ABCB4: variants seen among roughly 807,000 people sequenced by gnomAD.
ABCB4 encodes the protein ATP binding cassette subfamily B member 4.
Under a neutral mutation model 145.7 loss-of-function variants are expected in ABCB4, and 76 were observed. The observed-to-expected ratio is 0.52, with a 90% confidence interval of 0.43 to 0.63. The LOEUF (loss-of-function observed/expected upper bound fraction) is 0.63. ABCB4 is among the 30% of genes least tolerant of loss of function. ABCB4 has a pLI of 0.00. For missense variants in ABCB4, 1,234 were observed against 1,553.1 expected, an observed-to-expected ratio of 0.79 and a Z score of 3.45; for synonymous variants, 517 against 566.8, an observed-to-expected ratio of 0.91 and a Z score of 1.25.
chr7:87,417,751 C>A (rs1388049016), intron 20 of ABCB4, among the ~76,000 whole-genome samples: 3 of 152,204 alleles, frequency 2.0e-5, no homozygotes, highest in Non-Finnish European at 4.4e-5. Context: ...ATTCTAGAAC[C>A]AAGTAATCAA....
At chr7:87,417,201 AG>A in intron 21 of ABCB4, 110 bp downstream of exon 21, 1 of 958,724 alleles carries the variant, frequency 1.0e-6, no homozygotes, top group Non-Finnish European at 1.6e-6. Flanking sequence ...TATTAGTTGT[AG>A]TGGGCACAAA....
intron 3 of ABCB4, among the ~76,000 whole-genome samples, chr7:87,464,138 C>G (rs1327098801): frequency 6.6e-6 from 1 of 152,166 alleles, no homozygotes; most frequent in Non-Finnish European, 1.5e-5. Flanking sequence ...CACAGTGGAG[C>G]CTTTGAGGGC....
At position 87,444,905 on chromosome 7, in the gene ABCB4, T is replaced by C. The variant is rs1283561726; in HGVS notation, c.1076A>G (p.Asn359Ser). ...QAAPCIDAFA[N>S]ARGAAYVIFD... ...GATCACATATGCTGCTCCTCTTGCA[T>C]TGGCAAAAGCATCAATACATGGGGC... Residue 359 changes from asparagine to serine, a missense_variant, in exon 10 of 28, where the codon AAT becomes AGT. Asn to Ser is a conservative substitution (Grantham distance 46). Transcript: ENST00000649586. 4 of 1,609,494 alleles carry C rather than the reference T, an allele frequency of 2.5e-6. No individual in the cohort carries two copies. Among genetic ancestry groups the C allele is most frequent in the African/African-American group, 1.3e-5 (1 of 75,010 alleles).
the ABCB4 span, chr7:87,392,444 A>T: frequency 1.4e-6 from 1 of 732,704 alleles, no homozygotes; most frequent in South Asian, 1.7e-5. Context: ...TGTGTTATAG[A>T]TCTTCCTAGA....
intron 3 of ABCB4, among the ~76,000 whole-genome samples, chr7:87,463,494 A>G (rs1326446101): frequency 6.6e-6 from 1 of 152,212 alleles, no homozygotes; most frequent in Non-Finnish European, 1.5e-5. Flanking sequence ...CCTTTTTTAA[A>G]AATTTAGTTT....
At chr7:87,433,807 G>T (rs971799161) in intron 14 of ABCB4, among the ~76,000 whole-genome samples, 2 of 151,948 alleles carry the variant, frequency 1.3e-5, no homozygotes, top group Non-Finnish European at 2.9e-5. Context: ...GATGTTCAGG[G>T]ATGAAAGGTG....
intron 4 of ABCB4, among the ~76,000 whole-genome samples, chr7:87,459,062 A>G (rs1308883441): frequency 1.3e-5 from 2 of 152,204 alleles, no homozygotes; most frequent in African/African-American, 4.8e-5. Context: ...AAACAAAAAC[A>G]GAACTAATAA....
rs374432576 is a variant in ABCB4, at chr7:87,426,778, T to C, written c.2036A>G (p.Lys679Arg). ...KNLKNSQMCQKSLDVETDGLE... is the reference protein window; with the variant it reads ...KNLKNSQMCQRSLDVETDGLE... ...TCCATCGGTTTCCACATCAAGGCTC[T>C]TCTGACACATTTGTGAATTTTTAAG... The change falls in exon 16 of 28, where the codon AAG becomes AGG. Residue 679 changes from lysine to arginine, a missense_variant. Lys to Arg is a conservative substitution (Grantham distance 26). Coordinates refer to ENST00000649586, the MANE Select transcript of ABCB4 (RefSeq NM_000443.4). 8 of 1,613,936 alleles carry C rather than the reference T, an allele frequency of 5.0e-6. No homozygotes were observed. The highest frequency in any genetic ancestry group is 1.3e-5 in the African/African-American group (1 of 74,926).
At chr7:87,409,414 C>A in intron 23 of ABCB4, 22 bp from the exon 24 acceptor site, 1 of 1,612,660 alleles carries the variant, frequency 6.2e-7, no homozygotes, top group East Asian at 2.2e-5. Flanking sequence ...TAGAGGAATT[C>A]AAAAATTAGC....
At chr7:87,392,690 A>C in the ABCB4 span, 1 of 1,611,120 alleles carries the variant, frequency 6.2e-7, no homozygotes, top group Non-Finnish European at 8.5e-7. Flanking sequence ...CTCATGGTGA[A>C]AAATTTTTTT....
Position 87,454,448 on chromosome 7 carries a change from C to A in ABCB4, c.344+87G>T, listed in dbSNP as rs552665844. 6 of 1,078,646 alleles carry A rather than the reference C, an allele frequency of 5.6e-6. No individual in the cohort carries two copies. In the African/African-American group the frequency reaches 9.6e-5, roughly 17 times the overall value. The allele number at this position is 1,078,646 out of a possible 1,614,324, so 66.8% of individuals were successfully genotyped here. ...AATAGGTGAATCTGGGTAAAGAGTA[C>A]ACGTTATTTGTATATTCTTATAACT... is the stretch of plus-strand genomic sequence containing the variant. On this transcript the variant is annotated intron_variant, in intron 5 of 27. Transcript: ENST00000649586.
intron 12 of ABCB4, among the ~76,000 whole-genome samples, chr7:87,441,852 A>G (rs1399132427): frequency 2.0e-5 from 3 of 152,124 alleles, no homozygotes; most frequent in Admixed American, 1.3e-4. Flanking sequence ...TCCCACCTCA[A>G]TCTCCCAAAG....
chr7:87,431,414 A>T lies in ABCB4; in HGVS notation c.1883T>A (p.Val628Asp). ...CTGAAAAGCAAGTACCTGCATGTTG[A>T]CAAGTTTGAAGTACACCCCTTCCTT... Reference protein sequence around the residue: ...MKKEGVYFKLVNMQTSGSQIQ... With the variant: ...MKKEGVYFKLDNMQTSGSQIQ... Residue 628 changes from valine to aspartate, a missense_variant, in exon 15 of 28, where the codon GTC becomes GAC. By Grantham distance (152) the Val-to-Asp change is radical. Around this residue, in one of 7 missense-constraint regions of ABCB4, gnomAD observed 321 missense variants for 332.6 expected, o/e 0.97. Coordinates refer to ENST00000649586, the MANE Select transcript of ABCB4 (RefSeq NM_000443.4). 6.2e-7 allele frequency: 1 copy of T among 1,614,110 alleles called. No homozygotes were observed. The highest frequency in any genetic ancestry group is 8.5e-7 in the Non-Finnish European group (1 of 1,179,970).
At chr7:87,474,469 G>A (rs1223820596) in intron 2 of ABCB4, among the ~76,000 whole-genome samples, 1 of 152,180 alleles carries the variant, frequency 6.6e-6, no homozygotes, top group Admixed American at 6.5e-5. Flanking sequence ...TTCAGTTTAA[G>A]CATCAGGTAG....
chr7:87,390,080 T>C, the ABCB4 span, among the ~76,000 whole-genome samples: 2 of 152,218 alleles, frequency 1.3e-5, no homozygotes, highest in Non-Finnish European at 2.9e-5. Flanking sequence ...TTCTGAATTT[T>C]CCTGATTGTA....
At chr7:87,378,413 A>C in the ABCB4 span, among the ~76,000 whole-genome samples, 88 of 151,992 alleles carry the variant, frequency 5.8e-4, no homozygotes, top group African/African-American at 1.9e-3. Flanking sequence ...ATAGAAACCT[A>C]AATCAAACTA....
At chr7:87,420,141 T>A in intron 18 of ABCB4, 66 bp from the exon 19 acceptor site, 1 of 1,474,158 alleles carries the variant, frequency 6.8e-7, no homozygotes, top group Non-Finnish European at 9.5e-7. Context: ...AGACCAATCA[T>A]GTTCAACTTT....
At chr7:87,371,993 C>CAA in the ABCB4 span, among the ~76,000 whole-genome samples, 48 of 59,700 alleles carry the variant, frequency 8.0e-4, no homozygotes, top group African/African-American at 3.2e-3. Flanking sequence ...GACGCTGTCT[C>CAA]AAAAAAAAAA....
intron 14 of ABCB4, among the ~76,000 whole-genome samples, chr7:87,436,453 A>G (rs1810617036): frequency 6.6e-6 from 1 of 152,234 alleles, no homozygotes; most frequent in African/African-American, 2.4e-5. Flanking sequence ...AGTAAATGAC[A>G]GCTAGATTCT....
Sources: gnomAD v4.1 joint callset for allele counts (sites outside exome capture counted in the v4.1 genomes callset) on GRCh38, gnomAD v4.1.1 for gene constraint, gnomAD v4.1.1 regional missense constraint, MANE v1.5 for transcripts, NCBI Gene and HGNC (gene_info 2026-07-23, HGNC 2026-07-21) for gene names.